The following SERPINA5 variants were observed in gnomAD, a reference collection of about 807,000 sequenced individuals.
SERPINA5 encodes the protein serpin family A member 5, also known as plasma serine protease inhibitor.
SERPINA5 carries 25 observed loss-of-function variants against 25.3 expected under a neutral mutation model. The ratio of observed to expected loss-of-function variants is 0.99; its 90% CI spans 0.72 to 1.38. The LOEUF is 1.38. Ranked by LOEUF, SERPINA5 falls within the 40% of genes most tolerant of loss-of-function variation. The pLI, the probability that SERPINA5 is intolerant of heterozygous loss-of-function variation, is 0.00. For missense variants in SERPINA5, 599 were observed against 509.5 expected (o/e 1.18, Z -1.69); for synonymous variants, 234 against 206.2 (o/e 1.14, Z -1.16).
intron 2 of SERPINA5, among the ~76,000 whole-genome samples, chr14:94,586,081 G>A (rs1183654688): frequency 1.3e-5 from 2 of 152,108 alleles, no homozygotes; most frequent in African/African-American, 2.4e-5. Flanking sequence ...GAGGGAGGAG[G>A]CAAGACTTCT....
At chr14:94,589,622 T>C (rs2139929795) in intron 3 of SERPINA5, among the ~76,000 whole-genome samples, 1 of 152,312 alleles carries the variant, frequency 6.6e-6, no homozygotes, top group African/African-American at 2.4e-5. Flanking sequence ...TACTAACTTC[T>C]TTCTAAAATT....
chr14:94,582,147 G>A (rs8005151), intron 2 of SERPINA5: 44,884 of 152,048 alleles, frequency 0.3, 6,860 homozygotes, highest in South Asian at 0.34. Flanking sequence ...TGCTCATGAA[G>A]GACAGTAACA....
At chr14:94,587,129 C>A (rs953582252) in intron 2 of SERPINA5, 2 of 512,254 alleles carry the variant, frequency 3.9e-6, no homozygotes, top group Non-Finnish European at 6.9e-6. Context: ...GTCTGCACCT[C>A]CTCTCCCTCC....
At chr14:94,582,197 G>C (rs1458432659) in intron 2 of SERPINA5, 1 of 152,226 alleles carries the variant, frequency 6.6e-6, no homozygotes, top group East Asian at 1.9e-4. Flanking sequence ...TAGAAATAAA[G>C]TAAGCAGAAT....
rs754129334 is a variant in SERPINA5, at chr14:94,587,450, A to C, written c.88A>C (p.Arg30=). The C allele has an allele frequency of 1.9e-6, 3 of 1,614,172 alleles. No individual in the cohort carries two copies. In the Admixed American group the frequency reaches 5.0e-5, roughly 27 times the overall value. The change falls in exon 3 of 6, where the codon AGA becomes CGA. Residue 30 remains arginine, a synonymous_variant. Transcript: ENST00000329597. ...CCACCACCCCCGGGAGATGAAGAAG[A>C]GAGTCGAGGACCTCCATGTAGGTGC... ...HRHHPREMKK[R]VEDLHVGATV...
intron 5 of SERPINA5, among the ~76,000 whole-genome samples, chr14:94,591,139 C>G (rs565813518): frequency 1.4e-5 from 2 of 145,632 alleles, no homozygotes; most frequent in Non-Finnish European, 3.1e-5. Context: ...CCAGTTCACT[C>G]TATTCCATTC....
chr14:94,590,072 C>T lies in SERPINA5; in HGVS notation c.651C>T (p.Gly217=). 6.3e-7 allele frequency: 1 copy of T among 1,598,334 alleles called. No homozygotes were observed. Among genetic ancestry groups the T allele is most frequent in the Non-Finnish European group, 8.6e-7 (1 of 1,168,328 alleles). ...AKWETSFNHK[G]TQEQDFYVTS... ...GGGAGACAAGCTTCAACCACAAAGG[C>T]ACCCAAGAGCAAGACTTCTACGTGA... Residue 217 remains glycine (G), a synonymous_variant, in exon 4 of 6, where the codon GGC becomes GGT. Transcript: ENST00000329597.
intron 3 of SERPINA5, 24 bp downstream of exon 3, chr14:94,588,005 G>C (rs758812443): frequency 2.5e-6 from 4 of 1,594,842 alleles, no homozygotes; most frequent in Non-Finnish European, 2.6e-6. Flanking sequence ...GCCCAAACCT[G>C]CACTTTCTTT....
Position 94,590,325 on chromosome 14 carries a change from AC to A in SERPINA5, c.890+18del. The A allele has an allele frequency of 6.4e-7, 1 of 1,573,590 alleles. No individual in the cohort carries two copies. On this transcript the variant is annotated intron_variant, in intron 4 of 5. Coordinates refer to ENST00000329597, the MANE Select transcript of SERPINA5 (RefSeq NM_000624.6). ...GTTCAAAAAGAGGTACTTTCAGACT[AC>A]CCCAGGGCCAGCCTAAACCCACACA...
intron 2 of SERPINA5, among the ~76,000 whole-genome samples, chr14:94,584,126 A>G (rs1884999893): frequency 6.6e-6 from 1 of 152,172 alleles, no homozygotes; most frequent in Non-Finnish European, 1.5e-5. Context: ...GTCGAGGAGG[A>G]ACGAGGTATC....
chr14:94,590,593 G>C, intron 4 of SERPINA5, 156 bp from the exon 5 acceptor site: 1 of 914,818 alleles, frequency 1.1e-6, no homozygotes, highest in East Asian at 2.7e-5. Flanking sequence ...CTAGAAAAGA[G>C]GCCAGAGGAG....
chr14:94,587,875 G>T lies in SERPINA5; in HGVS notation c.513G>T (p.Gln171His), dbSNP rs1885149845. ...NFRDSAGAMK[Q>H]INDYVAKQTK... is the part of the protein sequence containing the mutation. ...GGGACTCTGCAGGGGCCATGAAGCA[G>T]ATCAATGATTATGTGGCAAAGCAAA... The change falls in exon 3 of 6, where the codon CAG becomes CAT. Residue 171 changes from glutamine to histidine, a missense_variant. Physicochemically the swap from Gln to His is conservative, Grantham distance 24 (BLOSUM62 0). Transcript: ENST00000329597. 1 of 1,614,132 alleles carries T rather than the reference G, an allele frequency of 6.2e-7. No individual in the cohort carries two copies.
intron 3 of SERPINA5, among the ~76,000 whole-genome samples, chr14:94,588,204 G>C (rs765550237): frequency 2.6e-5 from 4 of 152,176 alleles, no homozygotes; most frequent in Admixed American, 6.5e-5. Context: ...CCTCCACGGA[G>C]GAAGAGCTGG....
In SERPINA5 at chr14:94,587,569, T is replaced by A. The variant is rs1885134862; in HGVS notation, c.207T>A (p.Pro69=). ...AAPSQSIFFS[P]VSISMSLAML... ...CCAGCCAGAGCATCTTCTTCTCCCC[T>A]GTGAGCATCTCCATGAGCCTGGCCA... Residue 69 remains proline (P), a synonymous_variant, in exon 3 of 6, where the codon CCT becomes CCA. Transcript: ENST00000329597. 8.7e-6 allele frequency: 14 copies of A among 1,614,056 alleles called. No homozygotes were observed. Among genetic ancestry groups the A allele is most frequent in the Non-Finnish European group, 1.2e-5 (14 of 1,179,932 alleles).
chr14:94,591,169 A>C (rs1268496320), intron 5 of SERPINA5, among the ~76,000 whole-genome samples: 3 of 100,530 alleles, frequency 3.0e-5, no homozygotes, highest in African/African-American at 3.9e-5. Context: ...CCACTCCTCC[A>C]CTCCTCTCAT....
intron 2 of SERPINA5, among the ~76,000 whole-genome samples, chr14:94,583,181 G>A (rs965192258): frequency 2.6e-4 from 39 of 152,212 alleles, no homozygotes; most frequent in Non-Finnish European, 1.5e-4. Flanking sequence ...AGTTGGCCAT[G>A]AGTTTCTTAG....
intron 2 of SERPINA5, among the ~76,000 whole-genome samples, chr14:94,585,983 C>T (rs2069956): frequency 0.66 from 99,835 of 151,990 alleles, 33,133 homozygotes; most frequent in South Asian, 0.72. Flanking sequence ...GTGTAACTGA[C>T]TTGCCCAAAA....
Position 94,592,178 on chromosome 14 carries a change from C to G in SERPINA5, c.1160C>G (p.Pro387Arg). ...LNSQRLVFNR[P>R]FLMFIVDNNI... is the part of the protein sequence containing the mutation. ...TCTCAGAGGCTAGTGTTCAACAGGC[C>G]CTTTCTGATGTTCATTGTGGATAAC... Residue 387 changes from proline to arginine, a missense_variant, in exon 6 of 6, where the codon CCC becomes CGC. Pro to Arg is a moderately radical substitution (Grantham distance 103, BLOSUM62 -2). Coordinates refer to ENST00000329597, the MANE Select transcript of SERPINA5 (RefSeq NM_000624.6). 6.2e-7 allele frequency: 1 copy of G among 1,614,122 alleles called. No homozygotes were observed. The highest frequency in any genetic ancestry group is 8.5e-7 in the Non-Finnish European group (1 of 1,180,026).
At position 94,588,195 on chromosome 14, in the gene SERPINA5, C is replaced by T. The variant is rs1885160733; in HGVS notation, c.619+214C>T. 3.3e-5 allele frequency among the ~76,000 whole-genome samples: 5 copies of T among 152,158 alleles called. No homozygotes were observed. In the South Asian group the frequency reaches 1.0e-3, roughly 32 times the overall value. On this transcript the variant is annotated intron_variant, in intron 3 of 5. Coordinates refer to ENST00000329597, the MANE Select transcript of SERPINA5 (RefSeq NM_000624.6). Reference sequence around the variant, plus strand: ...ATTAGTGAGGCTGAGATGCTGTTTCCTCCACGGAGGAAGAGCTGGTTGCTG... The same window carrying T: ...ATTAGTGAGGCTGAGATGCTGTTTCTTCCACGGAGGAAGAGCTGGTTGCTG...
Sources: gnomAD v4.1 joint callset for allele counts (sites outside exome capture counted in the v4.1 genomes callset) on GRCh38, gnomAD v4.1.1 for gene constraint, MANE v1.5 for transcripts, NCBI Gene and HGNC (gene_info 2026-07-23, HGNC 2026-07-21) for gene names.